The following ASB4 variants were observed in gnomAD, a reference collection of about 807,000 sequenced individuals.
ASB4 encodes the protein ankyrin repeat and SOCS box containing 4.
Under a neutral mutation model 38.6 loss-of-function variants are expected in ASB4, and 35 were observed. The ratio of observed to expected loss-of-function variants is 0.91; its 90% CI spans 0.69 to 1.20. ASB4 has a LOEUF of 1.20. ASB4 is among the 50% of genes most tolerant of loss of function. The probability of loss-of-function intolerance (pLI) is 0.00; values close to 1 mark genes in which losing one functional copy is unlikely to be tolerated. For synonymous variants in ASB4, 195 were observed against 201.3 expected (o/e 0.97, Z 0.26); for missense variants, 557 against 527.2 (o/e 1.06, Z -0.55).
chr7:95,520,371 G>A (rs1790644089), intron 2 of ASB4, among the ~76,000 whole-genome samples: 1 of 152,078 alleles, frequency 6.6e-6, no homozygotes, highest in Non-Finnish European at 1.5e-5. Flanking sequence ...TACAAACTCA[G>A]GTTTATTGGA....
chr7:95,503,128 A>G (rs1259041759), intron 2 of ASB4, among the ~76,000 whole-genome samples: 1 of 152,200 alleles, frequency 6.6e-6, no homozygotes, highest in African/African-American at 2.4e-5. Context: ...ATTATAGCTA[A>G]TGTTTAACTG....
intron 2 of ASB4, among the ~76,000 whole-genome samples, chr7:95,526,270 G>C (rs1790734696): frequency 6.6e-6 from 1 of 152,160 alleles, no homozygotes; most frequent in South Asian, 2.1e-4. Context: ...GTTGTTCTGA[G>C]AAATGGGAAA....
chr7:95,549,817 G>A, the ASB4 span, among the ~76,000 whole-genome samples: 1 of 152,036 alleles, frequency 6.6e-6, no homozygotes, highest in African/African-American at 2.4e-5. Flanking sequence ...GCTTCCTTAG[G>A]GGCTTGTCAG....
At chr7:95,496,767 G>T (rs1196337154) in intron 2 of ASB4, among the ~76,000 whole-genome samples, 1 of 152,164 alleles carries the variant, frequency 6.6e-6, no homozygotes, top group African/African-American at 2.4e-5. Flanking sequence ...AGGGTCACTT[G>T]ATCCCAAGAG....
At chr7:95,495,693 A>G (rs1790234644) in intron 1 of ASB4, 65 bp from the exon 2 acceptor site, 1 of 1,483,350 alleles carries the variant, frequency 6.7e-7, no homozygotes. Context: ...AAATCCTCAC[A>G]AAACAGGGAG....
chr7:95,523,551 A>T (rs1790692008), intron 2 of ASB4, among the ~76,000 whole-genome samples: 1 of 152,200 alleles, frequency 6.6e-6, no homozygotes, highest in Non-Finnish European at 1.5e-5. Context: ...TGTGTAATAT[A>T]CTGCTTAGTG....
At chr7:95,489,234 A>G (rs1790136247) in intron 1 of ASB4, among the ~76,000 whole-genome samples, 1 of 152,248 alleles carries the variant, frequency 6.6e-6, no homozygotes, top group Non-Finnish European at 1.5e-5. Context: ...AGTTTAGCTC[A>G]TAAGCAAATA....
intron 1 of ASB4, among the ~76,000 whole-genome samples, chr7:95,487,733 A>C (rs1049166541): frequency 2.6e-5 from 4 of 152,192 alleles, no homozygotes; most frequent in Non-Finnish European, 5.9e-5. Flanking sequence ...CTAAATTTTC[A>C]TTCCCACGAA....
chr7:95,549,045 A>C, the ASB4 span, among the ~76,000 whole-genome samples: 1 of 152,070 alleles, frequency 6.6e-6, no homozygotes, highest in East Asian at 1.9e-4. Context: ...TAAAACCATT[A>C]TGCTATCCTG....
At chr7:95,478,673 G>A (rs1167704534) in intron 1 of ASB4, 1 of 152,180 alleles carries the variant, frequency 6.6e-6, no homozygotes, top group Non-Finnish European at 1.5e-5. Context: ...TGGGATCCAA[G>A]AAGTGGGCAG....
At chr7:95,529,375 G>A (rs1790788851) in intron 3 of ASB4, among the ~76,000 whole-genome samples, 1 of 152,194 alleles carries the variant, frequency 6.6e-6, no homozygotes, top group Non-Finnish European at 1.5e-5. Flanking sequence ...AGTAACAGAT[G>A]TTTTTCTGAA....
chr7:95,550,944 T>A, the ASB4 span, among the ~76,000 whole-genome samples: 1 of 152,164 alleles, frequency 6.6e-6, no homozygotes, highest in African/African-American at 2.4e-5. Flanking sequence ...AATTAAATAT[T>A]TACCATGTTT....
chr7:95,530,822 A>G (rs1454942706), intron 3 of ASB4, among the ~76,000 whole-genome samples: 5 of 152,172 alleles, frequency 3.3e-5, no homozygotes, highest in African/African-American at 9.7e-5. Flanking sequence ...TGCCTTTCAG[A>G]GAATAACTCT....
At chr7:95,530,957 C>T (rs1790812244) in intron 3 of ASB4, among the ~76,000 whole-genome samples, 1 of 152,118 alleles carries the variant, frequency 6.6e-6, no homozygotes, top group East Asian at 1.9e-4. Flanking sequence ...CTGTCACTTA[C>T]TTAAGAGTGT....
At chr7:95,515,163 C>CTCTCTCTTT (rs1160348342) in intron 2 of ASB4, among the ~76,000 whole-genome samples, 57 of 129,832 alleles carry the variant, frequency 4.4e-4, no homozygotes, top group African/African-American at 1.5e-3. Flanking sequence ...CTTTCTTTCT[C>CTCTCTCTTT]TTTCTCTTTC....
intron 2 of ASB4, among the ~76,000 whole-genome samples, chr7:95,519,797 TA>T (rs1334665147): frequency 6.6e-6 from 1 of 152,222 alleles, no homozygotes; most frequent in South Asian, 2.1e-4. Flanking sequence ...TACTATGTTT[TA>T]AGTCATGCAT....
chr7:95,515,713 C>G (rs1790575581), intron 2 of ASB4, among the ~76,000 whole-genome samples: 1 of 152,220 alleles, frequency 6.6e-6, no homozygotes, highest in East Asian at 1.9e-4. Flanking sequence ...CTGCGCCCAG[C>G]TGCAGTTGCT....
At chr7:95,484,719 T>C (rs1790060711), upstream of ASB4, among the ~76,000 whole-genome samples, 1 of 152,152 alleles carries the variant, frequency 6.6e-6, no homozygotes, top group South Asian at 2.1e-4. Flanking sequence ...CATATAAAAA[T>C]GCAATTTATT....
At chr7:95,541,346 G>A (rs925412875), downstream of ASB4, among the ~76,000 whole-genome samples, 1 of 152,168 alleles carries the variant, frequency 6.6e-6, no homozygotes, top group African/African-American at 2.4e-5. Context: ...CATTTTATTG[G>A]TATTAATGTC....
Sources: gnomAD v4.1 joint callset for allele counts (sites outside exome capture counted in the v4.1 genomes callset) on GRCh38, gnomAD v4.1.1 for gene constraint, MANE v1.5 for transcripts, NCBI Gene and HGNC (gene_info 2026-07-23, HGNC 2026-07-21) for gene names.